Variants in CMIP observed in about 807,000 individuals in gnomAD.
The protein encoded by CMIP is c-Maf inducing protein.
CMIP carries 13 observed loss-of-function variants against 97.3 expected under a neutral mutation model. That is an observed-to-expected ratio of 0.13 (90% confidence interval 0.09 to 0.21). The LOEUF (loss-of-function observed/expected upper bound fraction) is 0.21. Among genes scored for constraint, CMIP ranks in the 10% least tolerant of loss-of-function variants. The pLI is 1.00. For missense variants in CMIP, 847 were observed against 1,024.9 expected (o/e 0.83, Z 2.37); for synonymous variants, 538 against 436.3 (o/e 1.23, Z -2.91).
intron 1 of CMIP, among the ~76,000 whole-genome samples, chr16:81,560,424 T>A (rs879181182): frequency 6.6e-6 from 1 of 152,108 alleles, no homozygotes; most frequent in Non-Finnish European, 1.5e-5. Flanking sequence ...TTCACCGTGT[T>A]AGCCAGGATG....
intron 6 of CMIP, among the ~76,000 whole-genome samples, chr16:81,662,148 T>A (rs959381371): frequency 6.6e-6 from 1 of 151,468 alleles, no homozygotes; most frequent in Admixed American, 6.6e-5. Context: ...GGCCAGCTGC[T>A]CCTCTGCCTG....
chr16:81,463,422 G>T (rs1296431705), intron 1 of CMIP, among the ~76,000 whole-genome samples: 1 of 152,222 alleles, frequency 6.6e-6, no homozygotes, highest in African/African-American at 2.4e-5. Context: ...CCAAAAAAAG[G>T]AGTTGAACTT....
chr16:81,704,036 A>C lies in CMIP; in HGVS notation c.2042A>C (p.His681Pro), dbSNP rs757700956. 1 of 1,605,578 alleles carries C rather than the reference A, an allele frequency of 6.2e-7. No homozygotes were observed. Among genetic ancestry groups the C allele is most frequent in the South Asian group, 1.1e-5 (1 of 89,626 alleles). Residue 681 changes from histidine to proline, a missense_variant, in exon 18 of 21, where the codon CAC (histidine) becomes CCC (proline). Coordinates refer to ENST00000537098, the MANE Select transcript of CMIP (RefSeq NM_198390.3). Reference protein sequence around the residue: ...FTNVTSACAEHLIKLPSLKQL... With the variant: ...FTNVTSACAEPLIKLPSLKQL... ...AATGTAACCAGTGCCTGCGCCGAGC[A>C]CCTCATCAAACTGCCTTCGCTCAAG...
chr16:81,593,196 C>T (rs943785463), intron 1 of CMIP, among the ~76,000 whole-genome samples: 1 of 152,210 alleles, frequency 6.6e-6, no homozygotes, highest in African/African-American at 2.4e-5. Context: ...CAGGCACCAG[C>T]TCTGCCCTCC....
chr16:81,691,753 C>G, intron 10 of CMIP, 22 bp from the exon 11 acceptor site: 1 of 1,610,930 alleles, frequency 6.2e-7, no homozygotes, highest in Non-Finnish European at 8.5e-7. Flanking sequence ...CCAAAGCTGA[C>G]TGTCACCCTC....
chr16:81,578,063 A>G (rs1002695863), intron 1 of CMIP, among the ~76,000 whole-genome samples: 28 of 151,782 alleles, frequency 1.8e-4, no homozygotes, highest in Non-Finnish European at 3.4e-4. Flanking sequence ...CACCATCACC[A>G]TCATCACCAT....
chr16:81,703,022 C>G (rs1907595189), intron 17 of CMIP, among the ~76,000 whole-genome samples: 2 of 152,122 alleles, frequency 1.3e-5, no homozygotes, highest in Admixed American at 6.5e-5. Flanking sequence ...GCTTGTGTAT[C>G]TTACCATTCG....
Position 81,494,045 on chromosome 16 carries a change from C to T in CMIP, c.300+48504C>T, listed in dbSNP as rs975068813. ...GTGGAAATGTGATTCACCATGTGAT[C>T]GGGGAGGTCAGAGCCAGAGTCCCTG... On this transcript the variant is annotated intron_variant, in intron 1 of 20. Transcript: ENST00000537098. 8.5e-5 allele frequency among the ~76,000 whole-genome samples: 13 copies of T among 152,180 alleles called. 1 individual carries two copies. Among genetic ancestry groups the T allele is most frequent in the African/African-American group, 2.4e-4 (10 of 41,432 alleles).
intron 3 of CMIP, among the ~76,000 whole-genome samples, chr16:81,642,114 C>CTG (rs1295767953): frequency 6.6e-6 from 1 of 152,260 alleles, no homozygotes; most frequent in Admixed American, 6.5e-5. Flanking sequence ...GGCTTTTCCG[C>CTG]TGTCTTGTCA....
intron 10 of CMIP, among the ~76,000 whole-genome samples, chr16:81,690,688 G>A (rs1769900393): frequency 6.6e-6 from 1 of 152,224 alleles, no homozygotes; most frequent in African/African-American, 2.4e-5. Flanking sequence ...ACTTTGGGAG[G>A]CTGAGGCAGG....
intron 9 of CMIP, among the ~76,000 whole-genome samples, chr16:81,674,183 G>A (rs988234808): frequency 1.3e-5 from 2 of 152,196 alleles, no homozygotes; most frequent in African/African-American, 4.8e-5. Context: ...AGGGACTCCA[G>A]GGGCCAGAAT....
In CMIP at chr16:81,568,695, G is replaced by A. The variant is rs530007401; in HGVS notation, c.301-38872G>A. Among the ~76,000 whole-genome samples, 11 of 152,308 alleles carry A rather than the reference G, an allele frequency of 7.2e-5. No homozygotes were observed. In the South Asian group the frequency reaches 8.3e-4, roughly 11 times the overall value. ...CAGCAAGAGCCTCAAACCTTGGCTC[G>A]TTCTGTTCAAGAAGACAGAAACCAC... is the stretch of plus-strand genomic sequence containing the variant. On this transcript the variant is annotated intron_variant, in intron 1 of 20. Transcript: ENST00000537098.
intron 2 of CMIP, among the ~76,000 whole-genome samples, chr16:81,612,213 G>A (rs1355068855): frequency 6.6e-6 from 1 of 152,178 alleles, no homozygotes; most frequent in Non-Finnish European, 1.5e-5. Flanking sequence ...GGGGGATTCT[G>A]CCTAAAAATT....
intron 1 of CMIP, among the ~76,000 whole-genome samples, chr16:81,557,587 C>A (rs377178107): frequency 6.6e-6 from 1 of 152,092 alleles, no homozygotes; most frequent in Non-Finnish European, 1.5e-5. Flanking sequence ...GACTAGGCAG[C>A]ACAGTGAGAC....
At chr16:81,470,377 C>A (rs1435761324) in intron 1 of CMIP, among the ~76,000 whole-genome samples, 1 of 152,242 alleles carries the variant, frequency 6.6e-6, no homozygotes. Context: ...TTCTGGGCAT[C>A]TGCAGGGTGC....
chr16:81,570,621 A>T (rs1344297219), intron 1 of CMIP, among the ~76,000 whole-genome samples: 2 of 152,170 alleles, frequency 1.3e-5, no homozygotes, highest in Non-Finnish European at 2.9e-5. Context: ...AGGCCCCAGC[A>T]GGTCCCTGGG....
chr16:81,632,217 C>T (rs899850498), intron 3 of CMIP, among the ~76,000 whole-genome samples: 1 of 152,092 alleles, frequency 6.6e-6, no homozygotes, highest in Admixed American at 6.6e-5. Context: ...CCCCTGCGAA[C>T]ATTTAACAAA....
At chr16:81,658,678 A>G (rs2092512185) in intron 5 of CMIP, among the ~76,000 whole-genome samples, 2 of 152,262 alleles carry the variant, frequency 1.3e-5, no homozygotes, top group Non-Finnish European at 2.9e-5. Context: ...GTGTTCTGGA[A>G]GCTTCAGCAT....
intron 1 of CMIP, among the ~76,000 whole-genome samples, chr16:81,531,689 T>A (rs1277038939): frequency 1.3e-5 from 2 of 152,146 alleles, no homozygotes; most frequent in African/African-American, 2.4e-5. Flanking sequence ...GTTCACTGGG[T>A]TTAAGAATCA....
Sources: gnomAD v4.1 joint callset for allele counts (sites outside exome capture counted in the v4.1 genomes callset) on GRCh38, gnomAD v4.1.1 for gene constraint, MANE v1.5 for transcripts, NCBI Gene and HGNC (gene_info 2026-07-23, HGNC 2026-07-21) for gene names.